MKLN1: variants seen among roughly 807,000 people sequenced by gnomAD.
The protein encoded by MKLN1 is muskelin.
Under a neutral mutation model 99.0 loss-of-function variants are expected in MKLN1, and 18 were observed. The observed-to-expected ratio is 0.18, with a 90% confidence interval of 0.13 to 0.27. MKLN1 has a LOEUF of 0.27. Ranked by LOEUF, MKLN1 falls within the 10% of genes least tolerant of loss-of-function variation. The pLI, the probability that MKLN1 is intolerant of heterozygous loss-of-function variation, is 1.00. For synonymous variants in MKLN1, 288 were observed against 293.2 expected (o/e 0.98, Z 0.18); for missense variants, 621 against 875.9 (o/e 0.71, Z 3.67).
chr7:131,363,077 G>A (rs1396828905), intron 1 of MKLN1, among the ~76,000 whole-genome samples: 1 of 151,842 alleles, frequency 6.6e-6, no homozygotes, highest in Non-Finnish European at 1.5e-5. Flanking sequence ...TCTTAGAGTG[G>A]ATTTTTATTT....
At chr7:131,148,822 G>T (rs919533434) in intron 2 of MKLN1, among the ~76,000 whole-genome samples, 1 of 152,154 alleles carries the variant, frequency 6.6e-6, no homozygotes, top group African/African-American at 2.4e-5. Flanking sequence ...ATATTATTGT[G>T]CCTTAACAAT....
At chr7:131,167,945 G>A (rs1221963076) in intron 2 of MKLN1, among the ~76,000 whole-genome samples, 1 of 152,068 alleles carries the variant, frequency 6.6e-6, no homozygotes, top group Non-Finnish European at 1.5e-5. Context: ...GTGATTTCAC[G>A]TATCTTTAAA....
chr7:131,242,848 C>A, intron 3 of MKLN1: 1 of 664,808 alleles, frequency 1.5e-6, no homozygotes, highest in South Asian at 1.4e-5. Context: ...ACAAGGTACT[C>A]TGTGGATATC....
intron 1 of MKLN1, among the ~76,000 whole-genome samples, chr7:131,359,513 A>G (rs1260334912): frequency 6.6e-6 from 1 of 152,134 alleles, no homozygotes; most frequent in African/African-American, 2.4e-5. Flanking sequence ...TAGTTGATTG[A>G]TGATGCTCTT....
intron 9 of MKLN1, 41 bp from the exon 10 acceptor site, chr7:131,437,744 C>A: frequency 7.1e-7 from 1 of 1,413,736 alleles, no homozygotes; most frequent in South Asian, 1.2e-5. Context: ...TTTTTTTGCT[C>A]TTTATTTGTT....
At chr7:131,336,044 T>G (rs1799241672) in intron 1 of MKLN1, among the ~76,000 whole-genome samples, 1 of 151,628 alleles carries the variant, frequency 6.6e-6, no homozygotes, top group South Asian at 2.1e-4. Flanking sequence ...TGAGGTTAAG[T>G]GTCAAATGTG....
chr7:131,424,240 G>A lies in MKLN1; in HGVS notation c.848-4793G>A, dbSNP rs191547704. On this transcript the variant is annotated intron_variant, in intron 8 of 17. Transcript: ENST00000352689. The stretch of plus-strand genomic sequence containing the variant: ...TTTTTTTAAAAAATTTTTTTCTCTC[G>A]GTGTCTTAACTAAGAATTAAGGTAA... 3.6e-3 allele frequency among the ~76,000 whole-genome samples: 545 copies of A among 151,250 alleles called. 3 individuals are homozygous for A. The highest frequency in any genetic ancestry group is 5.9e-3 in the South Asian group (28 of 4,748).
At chr7:131,406,781 CATTTTGA>C in intron 6 of MKLN1, among the ~76,000 whole-genome samples, 1 of 152,064 alleles carries the variant, frequency 6.6e-6, no homozygotes, top group Non-Finnish European at 1.5e-5. Flanking sequence ...TCTTGAAATA[CATTTTGA>C]ATATCATTCG....
intron 1 of MKLN1, among the ~76,000 whole-genome samples, chr7:131,139,287 T>C (rs1174772984): frequency 6.6e-6 from 1 of 152,086 alleles, no homozygotes; most frequent in East Asian, 1.9e-4. Flanking sequence ...CATTGTGGCC[T>C]CTGTGTGGTC....
intron 1 of MKLN1, among the ~76,000 whole-genome samples, chr7:131,330,077 G>C (rs1799025694): frequency 6.6e-6 from 1 of 152,196 alleles, no homozygotes; most frequent in South Asian, 2.1e-4. Context: ...CTGCTGGGTT[G>C]GTGTGTGCCA....
chr7:131,133,085 T>C (rs1795583538), intron 1 of MKLN1, among the ~76,000 whole-genome samples: 1 of 151,866 alleles, frequency 6.6e-6, no homozygotes, highest in Admixed American at 6.6e-5. Flanking sequence ...TTGAATGGAA[T>C]TGATGTGTTG....
intron 11 of MKLN1, among the ~76,000 whole-genome samples, chr7:131,444,763 A>T (rs9641902): frequency 0.051 from 5,964 of 116,880 alleles, 197 homozygotes; most frequent in Middle Eastern, 0.071. Flanking sequence ...GTAGTAGAAG[A>T]AGTAGTAGTA....
intron 2 of MKLN1, among the ~76,000 whole-genome samples, chr7:131,175,624 G>A (rs1205861184): frequency 6.6e-6 from 1 of 152,134 alleles, no homozygotes; most frequent in Non-Finnish European, 1.5e-5. Context: ...CAAATAGGCC[G>A]GGCCCAGTGG....
At chr7:131,288,002 G>A (rs1415443349) in intron 3 of MKLN1, among the ~76,000 whole-genome samples, 2 of 152,074 alleles carry the variant, frequency 1.3e-5, no homozygotes, top group Non-Finnish European at 2.9e-5. Context: ...GGAACGGTGA[G>A]TCAATTAAAC....
chr7:131,490,537 A>C lies in MKLN1; in HGVS notation c.*2809A>C, dbSNP rs1208465206. On this transcript the variant is annotated 3_prime_UTR_variant, in exon 18 of 18. Coordinates refer to ENST00000352689, the MANE Select transcript of MKLN1 (RefSeq NM_013255.5). ...AGAATGTATCACTCTTATTCAAGCA[A>C]AGGAATTCAGACTTAAATGCCTACC... 6.6e-6 allele frequency: 1 copy of C among 152,596 alleles called. No homozygotes were observed. Among genetic ancestry groups the C allele is most frequent in the Non-Finnish European group, 1.5e-5 (1 of 68,012 alleles). 9.5% of individuals were successfully genotyped at this position (152,596 alleles called of 1,614,324 possible). A position where few individuals can be genotyped will look rare whatever the true frequency, so the allele number is the denominator to read the frequency against.
intron 3 of MKLN1, among the ~76,000 whole-genome samples, chr7:131,252,564 C>T (rs528679903): frequency 3.3e-5 from 5 of 152,106 alleles, no homozygotes; most frequent in Admixed American, 6.5e-5. Context: ...CTCCTGACCT[C>T]GTGGTCCATC....
At chr7:131,160,629 C>T (rs1796034339) in intron 2 of MKLN1, among the ~76,000 whole-genome samples, 1 of 150,578 alleles carries the variant, frequency 6.6e-6, no homozygotes. Context: ...GCCTATTCTC[C>T]CACCTCAGCC....
At chr7:131,246,141 A>C (rs2116504494) in intron 3 of MKLN1, among the ~76,000 whole-genome samples, 1 of 152,280 alleles carries the variant, frequency 6.6e-6, no homozygotes, top group Non-Finnish European at 1.5e-5. Context: ...TTTGAGTAGC[A>C]CTGCTGCAGG....
At chr7:131,376,101 T>TATATAC (rs1186835975) in intron 2 of MKLN1, among the ~76,000 whole-genome samples, 1 of 680 alleles carries the variant, frequency 1.5e-3, no homozygotes, top group South Asian at 0.083. Flanking sequence ...TGGAAATATA[T>TATATAC]ATATATATAT....
Sources: gnomAD v4.1 joint callset for allele counts (sites outside exome capture counted in the v4.1 genomes callset) on GRCh38, gnomAD v4.1.1 for gene constraint, MANE v1.5 for transcripts, NCBI Gene and HGNC (gene_info 2026-07-23, HGNC 2026-07-21) for gene names.